KIF16B: variants seen among roughly 807,000 people sequenced by gnomAD.
KIF16B encodes the protein kinesin family member 16B.
In KIF16B, 98 loss-of-function variants were observed where a neutral mutation model predicts 156.3. The observed-to-expected ratio is 0.63, with a 90% CI of 0.53 to 0.74. The LOEUF (loss-of-function observed/expected upper bound fraction) is 0.74. Among genes scored for constraint, KIF16B ranks in the 30% least tolerant of loss-of-function variants. The probability of loss-of-function intolerance (pLI) is 0.00; values close to 1 mark genes in which losing one functional copy is unlikely to be tolerated. For synonymous variants in KIF16B, 564 were observed against 583.7 expected (o/e 0.97, Z 0.49); for missense variants, 1,421 against 1,606.5 (o/e 0.88, Z 1.97).
At chr20:16,506,678 C>A (rs1011821678) in intron 7 of KIF16B, among the ~76,000 whole-genome samples, 1 of 151,986 alleles carries the variant, frequency 6.6e-6, no homozygotes, top group East Asian at 1.9e-4. Context: ...CTATATTCCT[C>A]GCTTCTGAAT....
chr20:16,470,902 T>C (rs2067645267), intron 12 of KIF16B, among the ~76,000 whole-genome samples: 1 of 152,074 alleles, frequency 6.6e-6, no homozygotes. Flanking sequence ...CCCCAGGGTA[T>C]GTGAACATAG....
At chr20:16,512,220 T>G (rs952170649) in intron 5 of KIF16B, among the ~76,000 whole-genome samples, 3 of 152,162 alleles carry the variant, frequency 2.0e-5, no homozygotes, top group African/African-American at 7.2e-5. Flanking sequence ...GATTATTTCA[T>G]TGAATCTCCA....
At chr20:16,404,023 T>C (rs2065721142) in intron 17 of KIF16B, among the ~76,000 whole-genome samples, 1 of 152,164 alleles carries the variant, frequency 6.6e-6, no homozygotes, top group Admixed American at 6.6e-5. Context: ...AAAATGGGAA[T>C]AGGTTTGTGA....
intron 15 of KIF16B, among the ~76,000 whole-genome samples, chr20:16,414,027 C>A (rs187880547): frequency 1.8e-3 from 274 of 151,942 alleles, no homozygotes; most frequent in African/African-American, 6.1e-3. Context: ...GATGATGATA[C>A]CATTTAGGGA....
chr20:16,297,264 A>T (rs1568826181), intron 25 of KIF16B, among the ~76,000 whole-genome samples: 1 of 152,234 alleles, frequency 6.6e-6, no homozygotes, highest in African/African-American at 2.4e-5. Flanking sequence ...TCTGTTTCTC[A>T]GGAGAACTCT....
intron 17 of KIF16B, among the ~76,000 whole-genome samples, chr20:16,390,356 A>C (rs565339567): frequency 9.2e-5 from 14 of 152,210 alleles, no homozygotes; most frequent in Non-Finnish European, 1.9e-4. Flanking sequence ...CAATGGTATA[A>C]CTTGCTCTGA....
At chr20:16,481,323 G>C (rs937288987) in intron 12 of KIF16B, among the ~76,000 whole-genome samples, 1 of 152,014 alleles carries the variant, frequency 6.6e-6, no homozygotes, top group Non-Finnish European at 1.5e-5. Flanking sequence ...AGCCTCCCAA[G>C]TAGCTGGGAC....
intron 15 of KIF16B, among the ~76,000 whole-genome samples, chr20:16,407,514 C>G (rs1180805326): frequency 6.6e-6 from 1 of 152,068 alleles, no homozygotes; most frequent in African/African-American, 2.4e-5. Flanking sequence ...CAGGCTTCTG[C>G]ACCAAGGACC....
chr20:16,459,262 C>G (rs2067286129), intron 12 of KIF16B, among the ~76,000 whole-genome samples: 1 of 152,130 alleles, frequency 6.6e-6, no homozygotes, highest in South Asian at 2.1e-4. Flanking sequence ...AAGAAGTTTG[C>G]AATTATAGGG....
intron 23 of KIF16B, among the ~76,000 whole-genome samples, chr20:16,349,442 C>A: frequency 6.6e-6 from 1 of 152,226 alleles, no homozygotes; most frequent in East Asian, 1.9e-4. Context: ...AAGTGGAGGG[C>A]ACACACCTGC....
intron 23 of KIF16B, among the ~76,000 whole-genome samples, chr20:16,352,109 G>T (rs997647516): frequency 2.6e-5 from 4 of 152,176 alleles, no homozygotes; most frequent in Non-Finnish European, 4.4e-5. Context: ...TTGCCTTGGT[G>T]CCAGAACATG....
chr20:16,389,532 G>T (rs2065312417), intron 17 of KIF16B, among the ~76,000 whole-genome samples: 1 of 152,140 alleles, frequency 6.6e-6, no homozygotes, highest in Middle Eastern at 3.2e-3. Flanking sequence ...GTTCTTCAAT[G>T]GTTTAGACAA....
At chr20:16,466,614 C>T (rs948941276) in intron 12 of KIF16B, among the ~76,000 whole-genome samples, 1 of 152,222 alleles carries the variant, frequency 6.6e-6, no homozygotes, top group Non-Finnish European at 1.5e-5. Context: ...TGCCTTCTGC[C>T]ACGATTGTGA....
intron 22 of KIF16B, among the ~76,000 whole-genome samples, chr20:16,358,160 G>A (rs1243612996): frequency 6.6e-6 from 1 of 152,140 alleles, no homozygotes; most frequent in Non-Finnish European, 1.5e-5. Context: ...CTGCACTCCA[G>A]CCTGGGCGAC....
intron 12 of KIF16B, among the ~76,000 whole-genome samples, chr20:16,477,931 C>T (rs1478236724): frequency 6.6e-6 from 1 of 151,948 alleles, no homozygotes; most frequent in Non-Finnish European, 1.5e-5. Context: ...AAGCAGAACC[C>T]AAAAGACTCA....
intron 22 of KIF16B, among the ~76,000 whole-genome samples, chr20:16,366,022 G>C (rs2064656798): frequency 1.3e-5 from 2 of 152,088 alleles, no homozygotes; most frequent in Admixed American, 1.3e-4. Flanking sequence ...CTAGGGTCAG[G>C]TGAAATTAAA....
At chr20:16,556,891 G>A (rs1222607360) in intron 1 of KIF16B, among the ~76,000 whole-genome samples, 1 of 151,974 alleles carries the variant, frequency 6.6e-6, no homozygotes. Flanking sequence ...TTTATAGAAT[G>A]TTCCCACTTA....
intron 4 of KIF16B, among the ~76,000 whole-genome samples, chr20:16,513,924 T>C (rs2147070932): frequency 6.6e-6 from 1 of 152,246 alleles, no homozygotes; most frequent in Non-Finnish European, 1.5e-5. Flanking sequence ...CTACCTTCAC[T>C]CAACCCCCAC....
At chr20:16,383,373 G>A (rs376186191) in intron 17 of KIF16B, among the ~76,000 whole-genome samples, 18 of 152,042 alleles carry the variant, frequency 1.2e-4, no homozygotes, top group African/African-American at 1.9e-4. Context: ...CCAAAATACC[G>A]TCTATTAACT....
Sources: gnomAD v4.1 joint callset for allele counts (sites outside exome capture counted in the v4.1 genomes callset) on GRCh38, gnomAD v4.1.1 for gene constraint, MANE v1.5 for transcripts, NCBI Gene and HGNC (gene_info 2026-07-23, HGNC 2026-07-21) for gene names.